TNRC6B: variants seen among roughly 807,000 people sequenced by gnomAD.
TNRC6B encodes trinucleotide repeat containing adaptor 6B, also known as trinucleotide repeat-containing gene 6B protein.
Under a neutral mutation model 203.6 loss-of-function variants are expected in TNRC6B, and 52 were observed. The ratio of observed to expected loss-of-function variants is 0.26; its 90% confidence interval spans 0.20 to 0.32. The LOEUF (loss-of-function observed/expected upper bound fraction) is 0.32. Ranked by LOEUF, TNRC6B falls within the 10% of genes least tolerant of loss-of-function variation. The pLI is 1.00. For synonymous variants in TNRC6B, 838 were observed against 845.7 expected (o/e 0.99, Z 0.16); for missense variants, 1,923 against 2,286.2 (o/e 0.84, Z 3.24).
chr22:40,160,326 A>G (rs973372928), intron 4 of TNRC6B, among the ~76,000 whole-genome samples: 1 of 152,054 alleles, frequency 6.6e-6, no homozygotes, highest in East Asian at 1.9e-4. Flanking sequence ...AAAATACAAA[A>G]TTAGCTGGGC....
chr22:40,052,674 C>G (rs1264517298), intron 1 of TNRC6B, among the ~76,000 whole-genome samples: 4 of 151,914 alleles, frequency 2.6e-5, no homozygotes, highest in Non-Finnish European at 5.9e-5. Flanking sequence ...GTCTGGATCT[C>G]CCAGGCTCAA....
At chr22:40,064,970 G>A (rs1485065662) in intron 1 of TNRC6B, among the ~76,000 whole-genome samples, 1 of 151,904 alleles carries the variant, frequency 6.6e-6, no homozygotes, top group Non-Finnish European at 1.5e-5. Flanking sequence ...ATTTTGTTAA[G>A]GATTTTCACA....
chr22:40,099,642 A>G (rs1021822492), intron 1 of TNRC6B, among the ~76,000 whole-genome samples: 27 of 152,388 alleles, frequency 1.8e-4, no homozygotes, highest in African/African-American at 6.3e-4. Flanking sequence ...TGTATTAGAT[A>G]TCATAAATAA....
intron 1 of TNRC6B, among the ~76,000 whole-genome samples, chr22:40,058,065 T>G (rs7291691): frequency 0.37 from 56,028 of 152,158 alleles, 15,112 homozygotes; most frequent in African/African-American, 0.77. Context: ...TTATCTTGCA[T>G]TTTGGCTCAA....
chr22:40,301,108 C>T (rs1236917231), intron 14 of TNRC6B, 42 bp from the exon 15 acceptor site: 12 of 1,553,488 alleles, frequency 7.7e-6, no homozygotes, highest in South Asian at 1.2e-5. Flanking sequence ...CTGGGAAGTT[C>T]GGGGCCGTGC....
intron 4 of TNRC6B, among the ~76,000 whole-genome samples, chr22:40,160,959 C>T (rs1232948075): frequency 6.6e-6 from 1 of 152,046 alleles, no homozygotes; most frequent in African/African-American, 2.4e-5. Context: ...TTGTGTATCA[C>T]CTATTTATAT....
intron 3 of TNRC6B, among the ~76,000 whole-genome samples, chr22:40,138,934 G>A (rs1376246295): frequency 6.6e-6 from 1 of 152,102 alleles, no homozygotes; most frequent in African/African-American, 2.4e-5. Context: ...CTTTTCAGCA[G>A]CTTTATTAAG....
At chr22:40,220,675 T>C (rs1420602282) in intron 1 of TNRC6B, among the ~76,000 whole-genome samples, 1 of 152,172 alleles carries the variant, frequency 6.6e-6, no homozygotes, top group African/African-American at 2.4e-5. Flanking sequence ...TTCACCTTTG[T>C]TTTTTAAAAA....
chr22:40,185,774 G>C (rs535156007), intron 1 of TNRC6B, among the ~76,000 whole-genome samples: 11 of 152,040 alleles, frequency 7.2e-5, no homozygotes, highest in Admixed American at 2.6e-4. Flanking sequence ...AGGACTTGGT[G>C]GGGGGGCACT....
In TNRC6B at chr22:40,329,989, A is replaced by G. The variant is rs2146591938; in HGVS notation, c.*6748A>G. ...CAGTTCTTCACTGTGACAAATGCTT[A>G]TCTTGTTCATGGGAGGGGAAAGATC... is the stretch of plus-strand genomic sequence containing the variant. On this transcript the variant is annotated 3_prime_UTR_variant, in exon 23 of 23. Coordinates refer to ENST00000454349, the MANE Select transcript of TNRC6B (RefSeq NM_001162501.2). 6.6e-6 allele frequency: 1 copy of G among 152,230 alleles called. No individual in the cohort carries two copies. Among genetic ancestry groups the G allele is most frequent in the Non-Finnish European group, 1.5e-5 (1 of 68,036 alleles). 9.4% of individuals were successfully genotyped at this position (152,230 alleles called of 1,614,324 possible). A position where few individuals can be genotyped will look rare whatever the true frequency, so the allele number is the denominator to read the frequency against.
At chr22:40,106,906 T>C (rs2068288749) in intron 1 of TNRC6B, 2 of 992,940 alleles carry the variant, frequency 2.0e-6, no homozygotes, top group Admixed American at 1.7e-5. Context: ...AGTGCTTCGC[T>C]TTTTCATGGA....
intron 3 of TNRC6B, among the ~76,000 whole-genome samples, chr22:40,151,372 T>C (rs1414367547): frequency 6.6e-6 from 1 of 150,442 alleles, no homozygotes; most frequent in Non-Finnish European, 1.5e-5. Flanking sequence ...GAGACCAGCC[T>C]GGCCAACATG....
chr22:40,156,080 T>G, intron 3 of TNRC6B: 3 of 1,556,598 alleles, frequency 1.9e-6, no homozygotes, highest in Non-Finnish European at 2.6e-6. Context: ...TTGTAGTTAC[T>G]GACTGCTGCT....
chr22:40,075,156 ATTTT>A (rs58240994), intron 1 of TNRC6B, among the ~76,000 whole-genome samples: 494 of 35,486 alleles, frequency 0.014, 9 homozygotes, highest in African/African-American at 0.043. Context: ...ATATATATAT[ATTTT>A]TTTTTTTTTT....
rs989864369 is a variant in TNRC6B, at chr22:40,192,858, A to G, written c.5+14718A>G. Reference sequence around the variant, plus strand: ...CATGTTTAGATTTGCCAGACATTTAATATAACTTGGCAGGCAGAAATAAGG... The same window carrying G: ...CATGTTTAGATTTGCCAGACATTTAGTATAACTTGGCAGGCAGAAATAAGG... On this transcript the variant is annotated intron_variant, in intron 1 of 22. Coordinates refer to ENST00000454349, the MANE Select transcript of TNRC6B (RefSeq NM_001162501.2). 3.3e-5 allele frequency among the ~76,000 whole-genome samples: 5 copies of G among 152,220 alleles called. No homozygotes were observed. The South Asian group carries it at 6.2e-4, about 19-fold the overall frequency.
At position 40,329,019 on chromosome 22, in the gene TNRC6B, CAAAAAAA is replaced by C. The variant is rs10707775; in HGVS notation, c.*5784_*5790del. 3.2e-3 allele frequency: 422 copies of C among 132,660 alleles called. 1 individual carries two copies. The highest frequency in any genetic ancestry group is 0.011 in the African/African-American group (412 of 38,824). The allele number at this position is 132,660 out of a possible 1,614,324, so 8.2% of individuals were successfully genotyped here. ...TTAACTATACTTCTTAGTGTTACTG[CAAAAAAA>C]AAAAACAAAAACAAAACAAAAAAAA... On this transcript the variant is annotated 3_prime_UTR_variant, in exon 23 of 23. Transcript: ENST00000454349.
At chr22:40,170,114 T>C (rs5995832) in intron 4 of TNRC6B, among the ~76,000 whole-genome samples, 100,059 of 148,522 alleles carry the variant, frequency 0.67, 35,271 homozygotes, top group African/African-American at 0.89. Flanking sequence ...ACCCCATCTA[T>C]AAAAAATTGA....
chr22:40,240,368 C>T (rs2070011894), intron 1 of TNRC6B, among the ~76,000 whole-genome samples: 1 of 152,084 alleles, frequency 6.6e-6, no homozygotes, highest in Admixed American at 6.5e-5. Flanking sequence ...CAATATTAAA[C>T]CCCCAGCTCC....
At chr22:40,226,879 TGA>T (rs1218892198) in intron 1 of TNRC6B, among the ~76,000 whole-genome samples, 2 of 152,080 alleles carry the variant, frequency 1.3e-5, no homozygotes, top group South Asian at 4.1e-4. Flanking sequence ...TTCCTGGTGT[TGA>T]GAGGCAGGAG....
Sources: allele counts gnomAD v4.1 joint callset (sites outside exome capture counted in the v4.1 genomes callset), GRCh38; gene constraint gnomAD v4.1.1; transcripts MANE v1.5; gene names NCBI Gene and HGNC (gene_info 2026-07-23, HGNC 2026-07-21).